HPGD: variants seen among roughly 807,000 people sequenced by gnomAD.
HPGD encodes the protein 15-hydroxyprostaglandin dehydrogenase [NAD(+)].
Under a neutral mutation model 30.0 loss-of-function variants are expected in HPGD, and 29 were observed. The ratio of observed to expected loss-of-function variants is 0.97; its 90% confidence interval spans 0.72 to 1.32. The LOEUF is 1.32. HPGD is among the 40% of genes most tolerant of loss of function. The pLI is 0.00. For missense variants in HPGD, 340 were observed against 322.1 expected (o/e 1.06, Z -0.43); for synonymous variants, 99 against 112.4 (o/e 0.88, Z 0.75).
intron 3 of HPGD, among the ~76,000 whole-genome samples, chr4:174,514,744 T>C (rs1443768447): frequency 6.6e-6 from 1 of 152,080 alleles, no homozygotes; most frequent in African/African-American, 2.4e-5. Flanking sequence ...TTGCAAACGG[T>C]ATGATTCTAT....
chr4:174,511,733 G>T (rs375851551), intron 3 of HPGD, among the ~76,000 whole-genome samples: 1 of 152,158 alleles, frequency 6.6e-6, no homozygotes, highest in South Asian at 2.1e-4. Flanking sequence ...TGCAAGCTCC[G>T]CCTCCCGGGT....
At chr4:174,503,548 G>A (rs184146709) in intron 4 of HPGD, among the ~76,000 whole-genome samples, 74 of 152,264 alleles carry the variant, frequency 4.9e-4, no homozygotes, top group Non-Finnish European at 8.5e-4. Context: ...TCCTTATCAC[G>A]AGAGCAGTAG....
intron 4 of HPGD, chr4:174,506,618 T>C (rs937286750): frequency 6.6e-6 from 1 of 152,226 alleles, no homozygotes; most frequent in African/African-American, 2.4e-5. Context: ...ATATAGAGTT[T>C]ACCTCACAGG....
At chr4:174,509,862 C>G (rs868432421) in intron 3 of HPGD, among the ~76,000 whole-genome samples, 2 of 150,210 alleles carry the variant, frequency 1.3e-5, no homozygotes, top group South Asian at 2.1e-4. Context: ...TGTTTTGCCA[C>G]TTATATCCAT....
In HPGD at chr4:174,490,579, G is replaced by A. The variant is rs939892804; in HGVS notation, c.*1377C>T. The A allele has an allele frequency of 1.3e-5, 2 of 152,266 alleles. No homozygotes were observed. Among genetic ancestry groups the A allele is most frequent in the Non-Finnish European group, 2.9e-5 (2 of 68,014 alleles). The allele number at this position is 152,266 out of a possible 1,614,324, so 9.4% of individuals were successfully genotyped here. ...TTATCTCTATCAGATGTTCATTGAT[G>A]TTCACTACTTTGTCTTTAATACATT... On this transcript the variant is annotated 3_prime_UTR_variant, in exon 7 of 7. Transcript: ENST00000296522. The surrounding 1 kb of genome is among the most constrained non-coding windows in gnomAD (Gnocchi z 4.4).
At chr4:174,518,137 A>G in intron 2 of HPGD, 60 bp from the exon 3 acceptor site, 2 of 844,926 alleles carry the variant, frequency 2.4e-6, no homozygotes, top group South Asian at 1.4e-5. Flanking sequence ...CATTTAAATC[A>G]TGTCCTATGC....
chr4:174,508,001 A>G, intron 4 of HPGD: 1 of 626,088 alleles, frequency 1.6e-6, no homozygotes, highest in Non-Finnish European at 2.9e-6. Context: ...ATGTGAGCAG[A>G]AGGTCTGCCA....
At chr4:174,510,856 G>T (rs1735453567) in intron 3 of HPGD, among the ~76,000 whole-genome samples, 1 of 152,128 alleles carries the variant, frequency 6.6e-6, no homozygotes, top group Non-Finnish European at 1.5e-5. Context: ...GGCCAGGCTG[G>T]TCTCGAACTC....
intron 3 of HPGD, among the ~76,000 whole-genome samples, chr4:174,511,443 T>C (rs1735488777): frequency 6.6e-6 from 1 of 152,176 alleles, no homozygotes; most frequent in African/African-American, 2.4e-5. Context: ...CATATATTAG[T>C]TAAATGTCAA....
Position 174,520,032 on chromosome 4 carries a change from G to C in HPGD, c.217+1912C>G, listed in dbSNP as rs45489094. Among the ~76,000 whole-genome samples the C allele has an allele frequency of 1.8e-3, 271 of 152,100 alleles. 3 individuals are homozygous for C. Among genetic ancestry groups the C allele is most frequent in the African/African-American group, 5.8e-3 (242 of 41,508 alleles). On this transcript the variant is annotated intron_variant, in intron 2 of 6. Transcript: ENST00000296522. ...AATTGGGTCCAGAAAATGTCCCCCA[G>C]TATTTTTTTTTTCTCCTTCCATTCT...
rs1161333935 is a variant in HPGD, at chr4:174,522,341, G to A, written c.93+18C>T. On this transcript the variant is annotated intron_variant, in intron 1 of 6. Coordinates refer to ENST00000296522, the MANE Select transcript of HPGD (RefSeq NM_000860.6). ...GTGTGTGGGCAGAGAAATTTCCGCG[G>A]CTGGGCGCCGGGCTTACCTTGGCGC... The A allele has an allele frequency of 6.5e-7, 1 of 1,550,274 alleles. No homozygotes were observed. Among genetic ancestry groups the A allele is most frequent in the East Asian group, 2.4e-5 (1 of 41,384 alleles).
intron 4 of HPGD, among the ~76,000 whole-genome samples, chr4:174,503,719 AT>A (rs60031997): frequency 0.25 from 36,016 of 142,724 alleles, 4,363 homozygotes; most frequent in Non-Finnish European, 0.28. Flanking sequence ...GGGTTTTTTG[AT>A]TTTTTTTTTT....
rs2110759914 is a variant in HPGD at position 174,490,905 on chromosome 4, T to G, written c.*1051A>C. ...AAGAGTTTTACCCAAAGCAGGTGTA[T>G]TTAATGATTCTTAAGATAGCTGACA... On this transcript the variant is annotated 3_prime_UTR_variant, in exon 7 of 7. Coordinates refer to ENST00000296522, the MANE Select transcript of HPGD (RefSeq NM_000860.6). The surrounding 1 kb of genome is among the most constrained non-coding windows in gnomAD (Gnocchi z 4.4). The G allele has an allele frequency of 6.6e-6, 1 of 152,438 alleles. No individual in the cohort carries two copies. Among genetic ancestry groups the G allele is most frequent in the East Asian group, 1.9e-4 (1 of 5,320 alleles). 9.4% of individuals were successfully genotyped at this position (152,438 alleles called of 1,614,324 possible).
At chr4:174,497,582 T>C (rs1451194742) in intron 4 of HPGD, among the ~76,000 whole-genome samples, 1 of 117,500 alleles carries the variant, frequency 8.5e-6, no homozygotes, top group Non-Finnish European at 1.8e-5. Flanking sequence ...TTTTTTTTTT[T>C]TTTTTTTTTT....
In HPGD at chr4:174,492,080, G is replaced by T; in HGVS notation, c.677C>A (p.Ala226Asp). The change falls in exon 7 of 7, where the codon GCC becomes GAC. Residue 226 changes from alanine (A) to aspartate (D), a missense_variant. Transcript: ENST00000296522. This position sits in a 1 kb window ranked among gnomAD's most constrained non-coding sequence, Gnocchi z 4.9. ...YYGILDPPLIANGLITLIEDD... is the reference protein window; with the variant it reads ...YYGILDPPLIDNGLITLIEDD... ...TTCAATGAGTGTTATCAATCCATTGGCAATCAATGGTGGGCTAAAAATAAA... is the reference window on the plus strand; with the variant it reads ...TTCAATGAGTGTTATCAATCCATTGTCAATCAATGGTGGGCTAAAAATAAA... The T allele has an allele frequency of 6.2e-7, 1 of 1,610,612 alleles. No individual in the cohort carries two copies. The highest frequency in any genetic ancestry group is 8.5e-7 in the Non-Finnish European group (1 of 1,177,478).
In HPGD at chr4:174,502,506, G is replaced by A. The variant is rs530816598; in HGVS notation, c.421+6190C>T. 5.7e-3 allele frequency among the ~76,000 whole-genome samples: 866 copies of A among 151,996 alleles called. 8 individuals carry two copies. The highest frequency in any genetic ancestry group is 0.02 in the African/African-American group (812 of 41,464). On this transcript the variant is annotated intron_variant, in intron 4 of 6. Transcript: ENST00000296522. The stretch of plus-strand genomic sequence containing the variant: ...ATCCTGGCTAACACGGTGAAACCCC[G>A]TCTCTACTAAAAATACAAAAAATTA...
intron 4 of HPGD, chr4:174,495,898 T>C (rs1734574102): frequency 2.3e-6 from 1 of 439,254 alleles, no homozygotes; most frequent in South Asian, 2.5e-5. Context: ...CCAGGCCTTC[T>C]GGAAAGTCAA....
chr4:174,515,121 C>T (rs1051698303), intron 3 of HPGD, among the ~76,000 whole-genome samples: 3 of 152,004 alleles, frequency 2.0e-5, no homozygotes, highest in Non-Finnish European at 2.9e-5. Context: ...AATGCTATTC[C>T]TATCAAACTA....
At chr4:174,497,560 T>TTTC in intron 4 of HPGD, among the ~76,000 whole-genome samples, 1 of 100,916 alleles carries the variant, frequency 9.9e-6, no homozygotes, top group African/African-American at 3.4e-5. Context: ...TTTTCTTTCT[T>TTTC]TTTCTTTCTT....
Sources: allele counts gnomAD v4.1 joint callset (sites outside exome capture counted in the v4.1 genomes callset), GRCh38; gene constraint gnomAD v4.1.1; non-coding constraint Gnocchi (gnomAD v3.1); transcripts MANE v1.5; gene names NCBI Gene and HGNC (gene_info 2026-07-23, HGNC 2026-07-21).